MAN1A1: variants seen among roughly 807,000 people sequenced by gnomAD.
MAN1A1 encodes the protein mannosidase alpha class 1A member 1.
MAN1A1 carries 29 observed loss-of-function variants against 70.8 expected under a neutral mutation model. The observed-to-expected ratio is 0.41, with a 90% CI of 0.31 to 0.56. The LOEUF (loss-of-function observed/expected upper bound fraction) is 0.56. Ranked by LOEUF, MAN1A1 falls within the 20% of genes least tolerant of loss-of-function variation. The pLI is 0.29. For synonymous variants in MAN1A1, 349 were observed against 330.1 expected (o/e 1.06, Z -0.62); for missense variants, 747 against 841.3 (o/e 0.89, Z 1.39).
chr6:119,255,364 A>G (rs1165664683), intron 5 of MAN1A1, among the ~76,000 whole-genome samples: 1 of 152,246 alleles, frequency 6.6e-6, no homozygotes, highest in Non-Finnish European at 1.5e-5. Flanking sequence ...TAAAGCTTTC[A>G]GCACAAGATG....
chr6:119,339,225 A>C (rs1035548409), intron 2 of MAN1A1, among the ~76,000 whole-genome samples: 27 of 152,336 alleles, frequency 1.8e-4, no homozygotes, highest in African/African-American at 6.3e-4. Context: ...ATCCCTCAAA[A>C]TGTACTATCT....
chr6:119,215,735 T>G (rs1448715635), intron 6 of MAN1A1, among the ~76,000 whole-genome samples: 1 of 152,222 alleles, frequency 6.6e-6, no homozygotes, highest in African/African-American at 2.4e-5. Context: ...AAAATGAAAA[T>G]GTTTTCTTGG....
intron 8 of MAN1A1, among the ~76,000 whole-genome samples, chr6:119,198,665 T>C (rs1172011695): frequency 6.6e-6 from 1 of 152,170 alleles, no homozygotes. Flanking sequence ...AAAAAATTAG[T>C]GAGAAGACTG....
intron 8 of MAN1A1, among the ~76,000 whole-genome samples, chr6:119,199,512 C>T (rs1773658698): frequency 6.6e-6 from 1 of 152,028 alleles, no homozygotes; most frequent in South Asian, 2.1e-4. Flanking sequence ...AAGGTGTGTA[C>T]TCACAGGTTG....
chr6:119,246,025 A>G (rs1775159067), intron 6 of MAN1A1, among the ~76,000 whole-genome samples: 1 of 152,234 alleles, frequency 6.6e-6, no homozygotes, highest in Non-Finnish European at 1.5e-5. Context: ...CACTAAGGAT[A>G]GATTTAACTA....
chr6:119,179,842 C>A lies in MAN1A1; in HGVS notation c.1939G>T (p.Glu647Ter). The change falls in exon 13 of 13, where the codon GAA becomes TAA. Residue 647 changes from glutamate to a stop codon, truncating the protein, a stop_gained. Transcript: ENST00000368468. LOFTEE classifies it high-confidence loss of function. ...TTTTATTCCTCTCTGATTTCAACTTCCTTTTTATCTTTAGGGAGGATAGGG... is the reference window on the plus strand; with the variant it reads ...TTTTATTCCTCTCTGATTTCAACTTACTTTTTATCTTTAGGGAGGATAGGG... ...LLPILPKDKK[E>*]VEIREE 1 of 1,612,756 alleles carries A rather than the reference C, an allele frequency of 6.2e-7. No homozygotes were observed. Among genetic ancestry groups the A allele is most frequent in the Non-Finnish European group, 8.5e-7 (1 of 1,178,894 alleles).
intron 2 of MAN1A1, among the ~76,000 whole-genome samples, chr6:119,337,046 A>G (rs530644438): frequency 5.4e-4 from 83 of 152,348 alleles, no homozygotes; most frequent in African/African-American, 1.9e-3. Context: ...GAATCTCACA[A>G]TCATCTACAT....
intron 7 of MAN1A1, among the ~76,000 whole-genome samples, chr6:119,201,829 T>C (rs1773719361): frequency 6.6e-6 from 1 of 152,192 alleles, no homozygotes; most frequent in Non-Finnish European, 1.5e-5. Flanking sequence ...AAAAATACAC[T>C]ATAAAAGATG....
At chr6:119,279,607 CT>C (rs921860841) in intron 5 of MAN1A1, among the ~76,000 whole-genome samples, 1 of 66,778 alleles carries the variant, frequency 1.5e-5, no homozygotes, top group African/African-American at 4.7e-5. Context: ...TCCTCTTCCC[CT>C]GAGTCTCAGC....
intron 5 of MAN1A1, among the ~76,000 whole-genome samples, chr6:119,278,061 C>T (rs1234515684): frequency 1.3e-5 from 2 of 151,472 alleles, no homozygotes; most frequent in Non-Finnish European, 2.9e-5. Context: ...AGGCAGGATT[C>T]CTTGAGCCCA....
chr6:119,238,951 C>T (rs1008524838), intron 6 of MAN1A1, among the ~76,000 whole-genome samples: 6 of 151,840 alleles, frequency 4.0e-5, no homozygotes, highest in South Asian at 2.1e-4. Context: ...AGTGCAGTGG[C>T]GGGATCTCGG....
chr6:119,219,171 C>A (rs1774288576), intron 6 of MAN1A1, among the ~76,000 whole-genome samples: 1 of 151,846 alleles, frequency 6.6e-6, no homozygotes, highest in African/African-American at 2.4e-5. Flanking sequence ...CATCTTACTG[C>A]AAAATTTCAC....
intron 4 of MAN1A1, among the ~76,000 whole-genome samples, chr6:119,298,576 TA>T (rs1772288676): frequency 6.6e-6 from 1 of 151,852 alleles, no homozygotes; most frequent in Admixed American, 6.6e-5. Flanking sequence ...CCCTTTGCAA[TA>T]AATTTAGATG....
At position 119,179,352 on chromosome 6, in the gene MAN1A1, G is replaced by A. The variant is rs977658263; in HGVS notation, c.*467C>T. On this transcript the variant is annotated 3_prime_UTR_variant, in exon 13 of 13. Transcript: ENST00000368468. ...ACAGAAGATCTGTCTCTGGTGGACAGACAAACCAGATTAACATGAAATTGT... is the reference window on the plus strand; with the variant it reads ...ACAGAAGATCTGTCTCTGGTGGACAAACAAACCAGATTAACATGAAATTGT... The A allele has an allele frequency of 6.5e-6, 1 of 153,328 alleles. No homozygotes were observed. Among genetic ancestry groups the A allele is most frequent in the Non-Finnish European group, 1.5e-5 (1 of 68,522 alleles). 9.5% of individuals were successfully genotyped at this position (153,328 alleles called of 1,614,324 possible). A position where few individuals can be genotyped will look rare whatever the true frequency, so the allele number is the denominator to read the frequency against.
chr6:119,234,370 TG>T (rs1165601172), intron 6 of MAN1A1, among the ~76,000 whole-genome samples: 23 of 151,680 alleles, frequency 1.5e-4, no homozygotes, highest in Admixed American at 3.3e-4. Context: ...TTAAGAATTG[TG>T]TTTGTATATG....
intron 5 of MAN1A1, among the ~76,000 whole-genome samples, chr6:119,272,758 C>T (rs1006098494): frequency 1.1e-4 from 17 of 152,120 alleles, no homozygotes; most frequent in African/African-American, 3.9e-4. Flanking sequence ...GTGTTTTCAA[C>T]GGAGAAATCT....
chr6:119,293,465 T>C (rs940502071), intron 4 of MAN1A1, among the ~76,000 whole-genome samples: 2 of 152,096 alleles, frequency 1.3e-5, no homozygotes, highest in African/African-American at 2.4e-5. Flanking sequence ...TCTGGTTTGT[T>C]AGTTAATCCA....
chr6:119,318,553 T>C (rs549085127), intron 2 of MAN1A1, among the ~76,000 whole-genome samples: 61 of 152,352 alleles, frequency 4.0e-4, no homozygotes, highest in African/African-American at 1.4e-3. Context: ...CTTATCTCAT[T>C]ATTCTGGAAA....
chr6:119,268,566 G>C (rs562811022), intron 5 of MAN1A1, among the ~76,000 whole-genome samples: 32 of 152,110 alleles, frequency 2.1e-4, no homozygotes, highest in African/African-American at 7.5e-4. Context: ...TGAAACCAAG[G>C]TAACTGGCTC....
Sources: allele counts gnomAD v4.1 joint callset (sites outside exome capture counted in the v4.1 genomes callset), GRCh38; gene constraint gnomAD v4.1.1; transcripts MANE v1.5; gene names NCBI Gene and HGNC (gene_info 2026-07-23, HGNC 2026-07-21).